The following GPR158 variants were observed in gnomAD, a reference collection of about 807,000 sequenced individuals.
The protein encoded by GPR158 is G protein-coupled receptor 158, also known as metabotropic glycine receptor.
GPR158 carries 30 observed loss-of-function variants against 78.2 expected under a neutral mutation model. That is an observed-to-expected ratio of 0.38 (90% CI 0.29 to 0.52). The LOEUF (loss-of-function observed/expected upper bound fraction) is 0.52, where lower values mean the gene tolerates loss of function less well. Ranked by LOEUF, GPR158 falls within the 20% of genes least tolerant of loss-of-function variation. GPR158 has a pLI of 0.83. For synonymous variants in GPR158, 581 were observed against 591.1 expected (o/e 0.98, Z 0.25); for missense variants, 1,463 against 1,523.5 (o/e 0.96, Z 0.66).
At chr10:25,460,705 A>G (rs1282274033) in intron 4 of GPR158, among the ~76,000 whole-genome samples, 1 of 152,166 alleles carries the variant, frequency 6.6e-6, no homozygotes, top group Non-Finnish European at 1.5e-5. Context: ...CCAGACATCT[A>G]TTTAGTATGT....
intron 2 of GPR158, among the ~76,000 whole-genome samples, chr10:25,262,522 C>T (rs919905199): frequency 2.0e-5 from 3 of 152,054 alleles, no homozygotes; most frequent in Non-Finnish European, 4.4e-5. Flanking sequence ...TAAATACCCA[C>T]AAATTTCTAG....
chr10:25,497,597 GTC>G lies in GPR158; in HGVS notation c.1404+30882_1404+30883del, dbSNP rs973312119. ...AAAAGATAGGACTCTTCAGGAGAGAGTCTCTATTCTCGGTATTTAGTTTGTTG... is the reference window on the plus strand; with the variant it reads ...AAAAGATAGGACTCTTCAGGAGAGAGTCTATTCTCGGTATTTAGTTTGTTG... On this transcript the variant is annotated intron_variant, in intron 5 of 10. Transcript: ENST00000376351. 1.2e-4 allele frequency among the ~76,000 whole-genome samples: 19 copies of G among 152,284 alleles called. 1 individual carries two copies. The highest frequency in any genetic ancestry group is 4.6e-4 in the African/African-American group (19 of 41,568).
chr10:25,388,644 C>T (rs540522859), intron 2 of GPR158, among the ~76,000 whole-genome samples: 8 of 152,212 alleles, frequency 5.3e-5, no homozygotes, highest in East Asian at 1.9e-4. Context: ...GCATGAAGGG[C>T]GGGCAGAAGT....
intron 1 of GPR158, among the ~76,000 whole-genome samples, chr10:25,189,532 A>G (rs1410762411): frequency 6.6e-6 from 1 of 152,132 alleles, no homozygotes; most frequent in African/African-American, 2.4e-5. Flanking sequence ...AAACTATCAC[A>G]AGGATAGAAA....
intron 5 of GPR158, among the ~76,000 whole-genome samples, chr10:25,509,389 A>T (rs1358664556): frequency 6.6e-6 from 1 of 152,132 alleles, no homozygotes; most frequent in Non-Finnish European, 1.5e-5. Flanking sequence ...GCTACTTATT[A>T]TGCCCGTGGA....
chr10:25,516,342 T>G (rs781047486), intron 5 of GPR158, among the ~76,000 whole-genome samples: 240 of 151,126 alleles, frequency 1.6e-3, no homozygotes, highest in Middle Eastern at 3.4e-3. Context: ...CTGATGGTAG[T>G]TTCTTTGGCT....
At position 25,329,597 on chromosome 10, in the gene GPR158, C is replaced by CTTTT. The variant is rs568147961; in HGVS notation, c.1009-66305_1009-66302dup. 3.3e-3 allele frequency among the ~76,000 whole-genome samples: 481 copies of CTTTT among 144,290 alleles called. 3 individuals carry two copies. Among genetic ancestry groups the CTTTT allele is most frequent in the African/African-American group, 0.011 (442 of 39,412 alleles). The allele number at this position is 144,290 out of a possible 152,430, so 94.7% of individuals were successfully genotyped here. On this transcript the variant is annotated intron_variant, in intron 2 of 10. Transcript: ENST00000376351. Reference sequence around the variant, plus strand: ...ATTCCCAAAGGACAAACTCTTACCTCTTTTTTTTTTTTAAAGTTTGATTGA... The same window carrying CTTTT: ...ATTCCCAAAGGACAAACTCTTACCTCTTTTTTTTTTTTTTTTAAAGTTTGATTGA...
chr10:25,586,511 G>A (rs544589700), intron 7 of GPR158, among the ~76,000 whole-genome samples: 49 of 146,650 alleles, frequency 3.3e-4, no homozygotes, highest in African/African-American at 1.0e-3. Flanking sequence ...CAAGCAATTC[G>A]CCTGCCTCAG....
chr10:25,243,543 C>T (rs1588754215), intron 2 of GPR158, among the ~76,000 whole-genome samples: 2 of 152,260 alleles, frequency 1.3e-5, no homozygotes, highest in East Asian at 1.9e-4. Context: ...ACTTGACTTT[C>T]AAGCATTTTT....
chr10:25,207,679 C>T (rs1269657625), intron 1 of GPR158, among the ~76,000 whole-genome samples: 1 of 152,138 alleles, frequency 6.6e-6, no homozygotes, highest in Admixed American at 6.5e-5. Flanking sequence ...CCTCACAGGA[C>T]ATGGACTGGT....
At chr10:25,356,287 T>C (rs1855550428) in intron 2 of GPR158, among the ~76,000 whole-genome samples, 1 of 152,120 alleles carries the variant, frequency 6.6e-6, no homozygotes, top group Non-Finnish European at 1.5e-5. Flanking sequence ...GTATTGCTGA[T>C]AATAACCTCA....
At chr10:25,489,488 A>C (rs1291998468) in intron 5 of GPR158, among the ~76,000 whole-genome samples, 1 of 152,174 alleles carries the variant, frequency 6.6e-6, no homozygotes. Flanking sequence ...AAATCATGTT[A>C]ATAGATACTG....
chr10:25,450,315 G>GGCTGTTCTGT (rs1158101413), intron 4 of GPR158, among the ~76,000 whole-genome samples: 2 of 151,618 alleles, frequency 1.3e-5, no homozygotes, highest in Admixed American at 1.3e-4. Context: ...GGCAAGCCGG[G>GGCTGTTCTGT]GCTGTTCTGT....
intron 2 of GPR158, among the ~76,000 whole-genome samples, chr10:25,258,840 C>G (rs763797695): frequency 2.0e-5 from 3 of 152,162 alleles, no homozygotes; most frequent in Admixed American, 1.3e-4. Context: ...TAATAGCCTA[C>G]TATTGGCTGG....
chr10:25,415,692 A>C (rs544535672), intron 4 of GPR158, among the ~76,000 whole-genome samples: 1 of 152,160 alleles, frequency 6.6e-6, no homozygotes, highest in South Asian at 2.1e-4. Context: ...AGAAATATGC[A>C]TACAAATGTT....
In GPR158 at chr10:25,596,790, G is replaced by T. The variant is rs1837414080; in HGVS notation, c.2145+1G>T. ...CAGCTTGGATCCAGAGGACATTCGG[G>T]TAATGCCAGTACTCTATCTTTCTTC... On this transcript the variant is annotated splice_donor_variant, in intron 10 of 10. Transcript: ENST00000376351. LOFTEE classifies it high-confidence loss of function. 6.2e-7 allele frequency: 1 copy of T among 1,612,352 alleles called. No homozygotes were observed. Among genetic ancestry groups the T allele is most frequent in the Non-Finnish European group, 8.5e-7 (1 of 1,178,916 alleles).
intron 2 of GPR158, among the ~76,000 whole-genome samples, chr10:25,280,904 A>G (rs886564979): frequency 7.8e-4 from 119 of 152,128 alleles, no homozygotes; most frequent in African/African-American, 2.7e-3. Flanking sequence ...GGGAGGCTGA[A>G]GGGGTGGATC....
chr10:25,513,485 T>A (rs1836113597), intron 5 of GPR158, among the ~76,000 whole-genome samples: 1 of 150,684 alleles, frequency 6.6e-6, no homozygotes, highest in Non-Finnish European at 1.5e-5. Context: ...GTTTTTTGTT[T>A]CATTTATCTT....
chr10:25,382,218 T>C (rs1179274837), intron 2 of GPR158, among the ~76,000 whole-genome samples: 1 of 152,110 alleles, frequency 6.6e-6, no homozygotes, highest in Non-Finnish European at 1.5e-5. Flanking sequence ...GCCTAGAAAA[T>C]TGGGCTTGCT....
Sources: allele counts gnomAD v4.1 joint callset (sites outside exome capture counted in the v4.1 genomes callset), GRCh38; gene constraint gnomAD v4.1.1; transcripts MANE v1.5; gene names NCBI Gene and HGNC (gene_info 2026-07-23, HGNC 2026-07-21).